The following HS2ST1 variants were observed in gnomAD, a reference collection of about 807,000 sequenced individuals.
HS2ST1 encodes the protein heparan sulfate 2-O-sulfotransferase 1.
Under a neutral mutation model 42.9 loss-of-function variants are expected in HS2ST1, and 18 were observed. The ratio of observed to expected loss-of-function variants is 0.42; its 90% CI spans 0.29 to 0.62. The LOEUF is 0.62. Ranked by LOEUF, HS2ST1 falls within the 20% of genes least tolerant of loss-of-function variation. The pLI is 0.21. For missense variants in HS2ST1, 334 were observed against 433.8 expected (o/e 0.77, Z 2.04); for synonymous variants, 146 against 152.9 (o/e 0.95, Z 0.33).
chr1:87,051,320 C>G (rs1217549999), intron 1 of HS2ST1, among the ~76,000 whole-genome samples: 2 of 152,010 alleles, frequency 1.3e-5, no homozygotes, highest in Non-Finnish European at 2.9e-5. Context: ...GGGGATGAGG[C>G]AGAGTAACTC....
chr1:87,025,802 T>G (rs1343055997), intron 1 of HS2ST1, among the ~76,000 whole-genome samples: 1 of 152,344 alleles, frequency 6.6e-6, no homozygotes, highest in South Asian at 2.1e-4. Context: ...CTTTTCCTTC[T>G]TTATTGCATG....
intron 1 of HS2ST1, among the ~76,000 whole-genome samples, chr1:87,010,192 A>C (rs962872875): frequency 2.6e-5 from 4 of 152,184 alleles, no homozygotes; most frequent in African/African-American, 4.8e-5. Context: ...AAGGCAGCTC[A>C]TATTAGGACT....
At chr1:87,045,748 T>C (rs1282114424) in intron 1 of HS2ST1, 4 of 919,760 alleles carry the variant, frequency 4.3e-6, no homozygotes, top group East Asian at 5.0e-5. Context: ...TTCATATTCA[T>C]ACTGAAAATA....
chr1:86,952,642 A>G (rs1647558131), intron 1 of HS2ST1, among the ~76,000 whole-genome samples: 1 of 152,232 alleles, frequency 6.6e-6, no homozygotes, highest in Admixed American at 6.5e-5. Context: ...TGTATTCTCC[A>G]TCAGAGTTAT....
intron 1 of HS2ST1, among the ~76,000 whole-genome samples, chr1:87,057,472 G>A (rs1650998604): frequency 6.6e-6 from 1 of 151,866 alleles, no homozygotes; most frequent in Non-Finnish European, 1.5e-5. Context: ...ACCACTTTTA[G>A]GGCCTATATG....
Position 87,103,456 on chromosome 1 carries a change from G to A in HS2ST1, c.711G>A (p.Met237Ile), listed in dbSNP as rs1268161631. ...ECWNVGSRWA[M>I]DQAKYNLINE... ...GGAATGTGGGAAGCAGGTGGGCTAT[G>A]GATCAAGCCAAGTATAACCTAATTA... Residue 237 changes from methionine to isoleucine, a missense_variant, in exon 6 of 7, where the codon ATG becomes ATA. Transcript: ENST00000370550. 5 of 1,605,990 alleles carry A rather than the reference G, an allele frequency of 3.1e-6. No homozygotes were observed. The Admixed American group carries it at 5.2e-5, about 17-fold the overall frequency.
intron 1 of HS2ST1, among the ~76,000 whole-genome samples, chr1:86,973,758 G>A (rs956628843): frequency 6.6e-6 from 1 of 152,216 alleles, no homozygotes; most frequent in East Asian, 1.9e-4. Context: ...TAATGAAATT[G>A]ATTTGAAAAC....
intron 5 of HS2ST1, among the ~76,000 whole-genome samples, chr1:87,103,230 A>T (rs1468150786): frequency 2.0e-5 from 3 of 152,214 alleles, no homozygotes; most frequent in Non-Finnish European, 4.4e-5. Context: ...CTGAATTAGC[A>T]CTCATAGTTG....
rs1652303510 is a variant in HS2ST1, at chr1:87,105,212, G to A, written c.*516G>A. ...TGGAATGTTTAATCATATTTGCTAA[G>A]AAATGTTTCTGCTGTAGTTGGATTT... On this transcript the variant is annotated 3_prime_UTR_variant, in exon 7 of 7. Coordinates refer to ENST00000370550, the MANE Select transcript of HS2ST1 (RefSeq NM_012262.4). 2 of 152,698 alleles carry A rather than the reference G, an allele frequency of 1.3e-5. No individual in the cohort carries two copies. The highest frequency in any genetic ancestry group is 4.1e-4 in the South Asian group (2 of 4,826). 9.5% of individuals were successfully genotyped at this position (152,698 alleles called of 1,614,324 possible).
intron 1 of HS2ST1, among the ~76,000 whole-genome samples, chr1:86,979,112 C>T (rs1557502191): frequency 6.6e-6 from 1 of 152,030 alleles, no homozygotes; most frequent in Non-Finnish European, 1.5e-5. Flanking sequence ...TGCCTCAGCC[C>T]CCTAAAATGC....
intron 1 of HS2ST1, among the ~76,000 whole-genome samples, chr1:87,017,152 T>G (rs1649782890): frequency 6.6e-6 from 1 of 152,130 alleles, no homozygotes; most frequent in Non-Finnish European, 1.5e-5. Flanking sequence ...TCCTTTCTTT[T>G]TTGCGACGGA....
chr1:87,025,018 A>G (rs1650048679), intron 1 of HS2ST1, among the ~76,000 whole-genome samples: 1 of 152,230 alleles, frequency 6.6e-6, no homozygotes, highest in Admixed American at 6.5e-5. Context: ...TGTAACAGCC[A>G]TGATTCCTTC....
At chr1:87,035,969 T>G (rs891666745) in intron 1 of HS2ST1, among the ~76,000 whole-genome samples, 1 of 152,110 alleles carries the variant, frequency 6.6e-6, no homozygotes, top group Non-Finnish European at 1.5e-5. Flanking sequence ...CTATCCCTTT[T>G]CTAGTCTTCC....
intron 1 of HS2ST1, among the ~76,000 whole-genome samples, chr1:87,063,614 C>T (rs939885533): frequency 4.6e-5 from 7 of 152,290 alleles, no homozygotes; most frequent in Admixed American, 3.3e-4. Flanking sequence ...GGATTACAAG[C>T]GTGAGCTACC....
rs377366970 is a variant in HS2ST1 at position 87,000,449 on chromosome 1, T to C, written c.125-72485T>C. Among the ~76,000 whole-genome samples the C allele has an allele frequency of 2.6e-4, 39 of 152,316 alleles. No individual in the cohort carries two copies. In the South Asian group the frequency reaches 6.6e-3, roughly 26 times the overall value. On this transcript the variant is annotated intron_variant, in intron 1 of 6. Coordinates refer to ENST00000370550, the MANE Select transcript of HS2ST1 (RefSeq NM_012262.4). ...ATCTCTCAGCTTTTGAGTTTTAGTC[T>C]AAAGTCCAGAAGCTCCAAGATGATA...
rs1557504799 is a variant in HS2ST1 at position 86,985,435 on chromosome 1, C to CAT, written c.124+70281_124+70282dup. On this transcript the variant is annotated intron_variant, in intron 1 of 6. Coordinates refer to ENST00000370550, the MANE Select transcript of HS2ST1 (RefSeq NM_012262.4). ...ACATATATATACACATATATACACACATATATACACATATATACACACATA... is the reference window on the plus strand; with the variant it reads ...ACATATATATACACATATATACACACATATATATACACATATATACACACATA... Among the ~76,000 whole-genome samples the CAT allele has an allele frequency of 1.3e-3, 71 of 52,926 alleles. 1 individual carries two copies. Among genetic ancestry groups the CAT allele is most frequent in the Middle Eastern group, 9.4e-3 (1 of 106 alleles). 34.7% of individuals were successfully genotyped at this position (52,926 alleles called of 152,430 possible).
chr1:87,031,676 T>C (rs2100596315), intron 1 of HS2ST1, among the ~76,000 whole-genome samples: 1 of 152,340 alleles, frequency 6.6e-6, no homozygotes, highest in East Asian at 1.9e-4. Flanking sequence ...GCAGTTGGAG[T>C]AGCACTTCTT....
chr1:87,080,797 C>T (rs541674351), intron 2 of HS2ST1, among the ~76,000 whole-genome samples: 49 of 152,200 alleles, frequency 3.2e-4, no homozygotes, highest in Admixed American at 9.2e-4. Context: ...CGGGACTTTG[C>T]GTTTGAATAT....
chr1:87,090,015 A>G (rs1249483091), intron 3 of HS2ST1, among the ~76,000 whole-genome samples: 2 of 152,018 alleles, frequency 1.3e-5, no homozygotes, highest in Non-Finnish European at 2.9e-5. Flanking sequence ...GAGGATTCCC[A>G]GGAATCTCAG....
Sources: gnomAD v4.1 joint callset for allele counts (sites outside exome capture counted in the v4.1 genomes callset) on GRCh38, gnomAD v4.1.1 for gene constraint, MANE v1.5 for transcripts, NCBI Gene and HGNC (gene_info 2026-07-23, HGNC 2026-07-21) for gene names.